Variants in ZFP30 observed in about 807,000 individuals in gnomAD.
ZFP30 encodes zinc finger protein 30 homolog.
In ZFP30, 16 loss-of-function variants were observed where a neutral mutation model predicts 12.3. The ratio of observed to expected loss-of-function variants is 1.30; its 90% CI spans 0.88 to 1.98. ZFP30 has a LOEUF of 1.98. Ranked by LOEUF, ZFP30 falls within the 30% of genes most tolerant of loss-of-function variation. The probability of loss-of-function intolerance (pLI) is 0.00; values close to 1 mark genes in which losing one functional copy is unlikely to be tolerated. For missense variants in ZFP30, 560 were observed against 611.2 expected (o/e 0.92, Z 0.88); for synonymous variants, 172 against 201.0 (o/e 0.86, Z 1.22).
intron 5 of ZFP30, among the ~76,000 whole-genome samples, chr19:37,637,816 A>T (rs1224708512): frequency 6.6e-6 from 1 of 152,114 alleles, no homozygotes; most frequent in Non-Finnish European, 1.5e-5. Flanking sequence ...ACTTTTCTCA[A>T]CTGGGTTGTT....
chr19:37,650,922 G>A (rs372934199), intron 2 of ZFP30, among the ~76,000 whole-genome samples: 149 of 152,048 alleles, frequency 9.8e-4, no homozygotes, highest in African/African-American at 3.3e-3. Context: ...GTTTTTTGTA[G>A]AGATGGGGTT....
At chr19:37,652,605 C>T (rs942421188) in intron 2 of ZFP30, among the ~76,000 whole-genome samples, 1 of 152,022 alleles carries the variant, frequency 6.6e-6, no homozygotes, top group African/African-American at 2.4e-5. Context: ...ACACACAAAA[C>T]CACACAGACT....
In ZFP30 at chr19:37,633,104, G is replaced by C. The variant is rs929415538; in HGVS notation, c.*1877C>G. On this transcript the variant is annotated 3_prime_UTR_variant, in exon 6 of 6. Coordinates refer to ENST00000684514, the MANE Select transcript of ZFP30 (RefSeq NM_001320669.3). ...GAGAATGGCTTGAACCCGGGAGGCA[G>C]AGCTTGCAGTGAGCCGAGACTGTGC... The C allele has an allele frequency of 6.7e-5, 10 of 149,978 alleles. No homozygotes were observed. The highest frequency in any genetic ancestry group is 2.4e-4 in the African/African-American group (10 of 41,004). 9.3% of individuals were successfully genotyped at this position (149,978 alleles called of 1,614,324 possible).
intron 3 of ZFP30, among the ~76,000 whole-genome samples, chr19:37,646,746 T>A (rs2044551087): frequency 6.9e-6 from 1 of 144,478 alleles, no homozygotes; most frequent in Admixed American, 6.7e-5. Flanking sequence ...TGGCCAGTTT[T>A]GTTTTGTTTT....
At position 37,635,861 on chromosome 19, in the gene ZFP30, G is replaced by C. The variant is rs534257552; in HGVS notation, c.680C>G (p.Ser227Ter). ...KKCGKIFTCGSDLRVHQRIHI... is the reference protein window; with the variant it reads ...KKCGKIFTCG ...AATTCTCTGATGTACTCGAAGGTCTGAGCCACATGTGAAGATCTTTCCACA... is the reference window on the plus strand; with the variant it reads ...AATTCTCTGATGTACTCGAAGGTCTCAGCCACATGTGAAGATCTTTCCACA... The change falls in exon 6 of 6, where the codon TCA (serine) becomes TGA (stop). Residue 227 changes from serine to a stop codon, truncating the protein, a stop_gained. Transcript: ENST00000684514. LOFTEE classifies it low-confidence loss of function (END_TRUNC). 2 of 1,614,168 alleles carry C rather than the reference G, an allele frequency of 1.2e-6. No homozygotes were observed. The highest frequency in any genetic ancestry group is 1.7e-6 in the Non-Finnish European group (2 of 1,180,036).
At chr19:37,656,171 G>T (rs920442259), upstream of ZFP30, 1 of 152,630 alleles carries the variant, frequency 6.6e-6, no homozygotes, top group African/African-American at 2.4e-5. Context: ...GCACGGGGCT[G>T]CTGCGTGCGC....
chr19:37,633,008 TA>T lies in ZFP30; in HGVS notation c.*1972del. On this transcript the variant is annotated 3_prime_UTR_variant, in exon 6 of 6. Coordinates refer to ENST00000684514, the MANE Select transcript of ZFP30 (RefSeq NM_001320669.3). ...CAACATGGTGAAACCCCATCTCTAC[TA>T]AAAATACAAAAATCAACCTGGTGTG... 1 of 152,118 alleles carries T rather than the reference TA, an allele frequency of 6.6e-6. No individual in the cohort carries two copies. Among genetic ancestry groups the T allele is most frequent in the South Asian group, 2.1e-4 (1 of 4,816 alleles). The allele number at this position is 152,118 out of a possible 1,614,324, so 9.4% of individuals were successfully genotyped here. A position where few individuals can be genotyped will look rare whatever the true frequency, so the allele number is the denominator to read the frequency against.
In ZFP30 at chr19:37,634,446, T is replaced by C. The variant is rs2044282081; in HGVS notation, c.*535A>G. 6.6e-6 allele frequency: 1 copy of C among 152,440 alleles called. No homozygotes were observed. The highest frequency in any genetic ancestry group is 1.5e-5 in the Non-Finnish European group (1 of 68,202). The allele number at this position is 152,440 out of a possible 1,614,324, so 9.4% of individuals were successfully genotyped here. ...CAACCTTCACTGAATGGTGTCAACC[T>C]GTACAGAGAATCATGCCTAGATCCA... On this transcript the variant is annotated 3_prime_UTR_variant, in exon 6 of 6. Transcript: ENST00000684514.
chr19:37,653,192 A>G (rs1460818546), intron 2 of ZFP30, among the ~76,000 whole-genome samples: 1 of 152,108 alleles, frequency 6.6e-6, no homozygotes, highest in African/African-American at 2.4e-5. Context: ...GACAACAGGG[A>G]AATCAGTGTG....
At chr19:37,640,881 A>G (rs773036792) in intron 5 of ZFP30, among the ~76,000 whole-genome samples, 1 of 152,106 alleles carries the variant, frequency 6.6e-6, no homozygotes, top group Non-Finnish European at 1.5e-5. Flanking sequence ...TATACAGGAT[A>G]CAGAATATTT....
upstream of ZFP30, chr19:37,655,620 C>CG (rs1815692772): frequency 6.6e-6 from 1 of 152,490 alleles, no homozygotes; most frequent in Non-Finnish European, 1.5e-5. Flanking sequence ...CGCAGTGTCC[C>CG]TCGCCTCAGG....
rs1020008549 is a variant in ZFP30 at position 37,635,523 on chromosome 19, G to A, written c.1018C>T (p.Gln340Ter). 3 of 1,613,616 alleles carry A rather than the reference G, an allele frequency of 1.9e-6. No individual in the cohort carries two copies. In the African/African-American group the frequency reaches 4.0e-5, roughly 22 times the overall value. The part of the protein sequence containing the change: ...ECGKAFRVRQ[Q>*]LTLHQRIHTG... ...TGAATTCTCTGATGGAGAGTAAGTT[G>A]CTGCCGCACTCTAAAGGCCTTTCCA... The change falls in exon 6 of 6, where the codon CAA becomes TAA. Residue 340 changes from glutamine to a stop codon, truncating the protein, a stop_gained. Coordinates refer to ENST00000684514, the MANE Select transcript of ZFP30 (RefSeq NM_001320669.3). LOFTEE classifies it low-confidence loss of function (END_TRUNC).
chr19:37,638,296 C>CCCCGTATCTT (rs1447104823), intron 5 of ZFP30, among the ~76,000 whole-genome samples: 3 of 152,106 alleles, frequency 2.0e-5, no homozygotes, highest in Non-Finnish European at 1.5e-5. Flanking sequence ...GTTACAGGTT[C>CCCCGTATCTT]CCCGTATCTT....
intron 3 of ZFP30, among the ~76,000 whole-genome samples, chr19:37,645,841 A>T (rs1032150392): frequency 2.0e-4 from 31 of 152,134 alleles, no homozygotes; most frequent in Admixed American, 7.2e-4. Context: ...TTTGCATAAA[A>T]CTTAAAAATG....
At position 37,633,613 on chromosome 19, in the gene ZFP30, G is replaced by T. The variant is rs1166370047; in HGVS notation, c.*1368C>A. ...ATGATCTGCCCACCGGCCTCCCAAA[G>T]TGCTGGGATTACAGGCATGAGCCAC... On this transcript the variant is annotated 3_prime_UTR_variant, in exon 6 of 6. Coordinates refer to ENST00000684514, the MANE Select transcript of ZFP30 (RefSeq NM_001320669.3). 6.6e-6 allele frequency: 1 copy of T among 152,132 alleles called. No individual in the cohort carries two copies. Among genetic ancestry groups the T allele is most frequent in the Non-Finnish European group, 1.5e-5 (1 of 68,052 alleles). 9.4% of individuals were successfully genotyped at this position (152,132 alleles called of 1,614,324 possible). A position where few individuals can be genotyped will look rare whatever the true frequency, so the allele number is the denominator to read the frequency against.
rs182887406 is a variant in ZFP30 at position 37,649,084 on chromosome 19, A to T, written c.-77-1185T>A. On this transcript the variant is annotated intron_variant, in intron 2 of 5. Coordinates refer to ENST00000684514, the MANE Select transcript of ZFP30 (RefSeq NM_001320669.3). ...AAGATACTGTCTCTAACAACAAAAAAATTTTTTTAAATTAGCTGGGTGTGT... is the reference window on the plus strand; with the variant it reads ...AAGATACTGTCTCTAACAACAAAAATATTTTTTTAAATTAGCTGGGTGTGT... 1.0e-3 allele frequency among the ~76,000 whole-genome samples: 159 copies of T among 151,964 alleles called. 1 individual carries two copies. In the East Asian group the frequency reaches 0.021, roughly 20 times the overall value.
Position 37,636,198 on chromosome 19 carries a change from C to T in ZFP30, c.343G>A (p.Glu115Lys), listed in dbSNP as rs140211229. Residue 115 changes from glutamate to lysine, a missense_variant, in exon 6 of 6, where the codon GAA becomes AAA. By Grantham distance (56) the Glu-to-Lys change is moderately conservative (BLOSUM62 1). Coordinates refer to ENST00000684514, the MANE Select transcript of ZFP30 (RefSeq NM_001320669.3). The stretch of plus-strand genomic sequence containing the variant: ...ACCTCATGAGGACTTTCTTGTTCTT[C>T]AAGTCCACAGCTTTTAATTCTTTCC... ...VMERIKSCGL[E>K]EQESPHEVCF... 1.9e-4 allele frequency: 300 copies of T among 1,614,088 alleles called. No homozygotes were observed. The African/African-American group carries it at 3.1e-3, about 17-fold the overall frequency.
In ZFP30 at chr19:37,631,083, T is replaced by G. The variant is rs978173642; in HGVS notation, c.*3898A>C. The G allele has an allele frequency of 1.3e-5, 2 of 152,216 alleles. No individual in the cohort carries two copies. The highest frequency in any genetic ancestry group is 2.9e-5 in the Non-Finnish European group (2 of 68,044). 9.4% of individuals were successfully genotyped at this position (152,216 alleles called of 1,614,324 possible). On this transcript the variant is annotated 3_prime_UTR_variant, in exon 6 of 6. Coordinates refer to ENST00000684514, the MANE Select transcript of ZFP30 (RefSeq NM_001320669.3). ...AGAAAGAACAGGTGACTTTAGAACA[T>G]GATGCCACATCCAGGGAAACATACC...
chr19:37,642,036 C>T (rs1008382120), intron 5 of ZFP30, among the ~76,000 whole-genome samples: 5 of 152,188 alleles, frequency 3.3e-5, no homozygotes, highest in Admixed American at 6.5e-5. Context: ...TAGGTGATAT[C>T]GTGCTCTTTC....
Sources: allele counts gnomAD v4.1 joint callset (sites outside exome capture counted in the v4.1 genomes callset), GRCh38; gene constraint gnomAD v4.1.1; transcripts MANE v1.5; gene names NCBI Gene and HGNC (gene_info 2026-07-23, HGNC 2026-07-21).